Variants in ULK4 observed in about 807,000 individuals in gnomAD.
ULK4 encodes inactive serine/threonine-protein kinase ULK4.
In ULK4, 133 loss-of-function variants were observed where a neutral mutation model predicts 160.6. The ratio of observed to expected loss-of-function variants is 0.83; its 90% CI spans 0.72 to 0.96. ULK4 has a LOEUF of 0.96. ULK4 is among the 40% of genes least tolerant of loss of function. ULK4 has a pLI of 0.00. For missense variants in ULK4, 1,580 were observed against 1,499.5 expected, an observed-to-expected ratio of 1.05 and a Z score of -0.89; for synonymous variants, 534 against 539.8, an observed-to-expected ratio of 0.99 and a Z score of 0.15.
intron 18 of ULK4, among the ~76,000 whole-genome samples, chr3:41,829,479 G>C (rs182702766): frequency 6.6e-6 from 1 of 151,302 alleles, no homozygotes; most frequent in African/African-American, 2.4e-5. Flanking sequence ...CAACAAGTGG[G>C]TGAAGGATAT....
At position 41,598,672 on chromosome 3, in the gene ULK4, C is replaced by A. The variant is rs1007093772; in HGVS notation, c.3120+16997G>T. On this transcript the variant is annotated intron_variant, in intron 31 of 36. Transcript: ENST00000301831. ...AATACACATCCACCCCCTACATATACACCCCCACACACACACACGAGTTCA... is the reference window on the plus strand; with the variant it reads ...AATACACATCCACCCCCTACATATAAACCCCCACACACACACACGAGTTCA... 3.3e-5 allele frequency among the ~76,000 whole-genome samples: 5 copies of A among 149,346 alleles called. No homozygotes were observed. The South Asian group carries it at 8.3e-4, about 25-fold the overall frequency.
intron 22 of ULK4, among the ~76,000 whole-genome samples, chr3:41,722,520 A>T (rs1468333750): frequency 1.3e-5 from 2 of 152,042 alleles, no homozygotes; most frequent in South Asian, 2.1e-4. Flanking sequence ...AATCCCAGCT[A>T]CCCGGGAGGC....
chr3:41,568,395 T>A (rs1267555075), intron 31 of ULK4, among the ~76,000 whole-genome samples: 1 of 152,246 alleles, frequency 6.6e-6, no homozygotes, highest in African/African-American at 2.4e-5. Flanking sequence ...TCTCCTAATA[T>A]ACTTCTAGAC....
At chr3:41,813,171 G>A (rs2040866850) in intron 19 of ULK4, among the ~76,000 whole-genome samples, 1 of 152,100 alleles carries the variant, frequency 6.6e-6, no homozygotes, top group Admixed American at 6.6e-5. Context: ...TGGGGGAGGA[G>A]CATCAGAAAA....
chr3:41,478,191 C>T (rs912583836), intron 32 of ULK4, among the ~76,000 whole-genome samples: 1 of 152,174 alleles, frequency 6.6e-6, no homozygotes, highest in Admixed American at 6.5e-5. Context: ...ACATCAAACA[C>T]ATTTAGCTCA....
chr3:41,603,180 A>G (rs1408473507), intron 31 of ULK4, among the ~76,000 whole-genome samples: 7 of 152,136 alleles, frequency 4.6e-5, no homozygotes, highest in African/African-American at 7.2e-5. Flanking sequence ...GGCTATACTG[A>G]TATCAGAAAA....
At chr3:41,471,330 C>T (rs1184478963) in intron 32 of ULK4, among the ~76,000 whole-genome samples, 1 of 152,078 alleles carries the variant, frequency 6.6e-6, no homozygotes, top group African/African-American at 2.4e-5. Context: ...CACCCAACAT[C>T]AGAGCACCAA....
At chr3:41,531,323 C>T (rs1258115517) in intron 32 of ULK4, among the ~76,000 whole-genome samples, 5 of 149,938 alleles carry the variant, frequency 3.3e-5, no homozygotes, top group African/African-American at 1.2e-4. Flanking sequence ...CGCCAGTAGT[C>T]CCAGCTACCC....
intron 32 of ULK4, among the ~76,000 whole-genome samples, chr3:41,476,789 T>C (rs929500968): frequency 6.6e-6 from 1 of 152,126 alleles, no homozygotes; most frequent in Non-Finnish European, 1.5e-5. Flanking sequence ...TTCTAGCTGA[T>C]ACACATCTAC....
intron 17 of ULK4, among the ~76,000 whole-genome samples, chr3:41,877,499 G>A (rs2125697976): frequency 1.3e-5 from 2 of 151,864 alleles, no homozygotes; most frequent in South Asian, 4.2e-4. Context: ...GCTAATTTTT[G>A]TATTTTTAGT....
At chr3:41,902,860 C>T (rs1169582269) in intron 12 of ULK4, among the ~76,000 whole-genome samples, 1 of 152,138 alleles carries the variant, frequency 6.6e-6, no homozygotes, top group Non-Finnish European at 1.5e-5. Context: ...TTAAAACAAA[C>T]AAGCTTTCAG....
chr3:41,307,887 C>T (rs1003740825), intron 35 of ULK4, among the ~76,000 whole-genome samples: 3 of 152,110 alleles, frequency 2.0e-5, no homozygotes, highest in African/African-American at 7.2e-5. Context: ...ATAGGAAAAT[C>T]CTCAGTGGGA....
chr3:41,912,018 T>A lies in ULK4; in HGVS notation c.897-359A>T, dbSNP rs144575658. On this transcript the variant is annotated intron_variant, in intron 9 of 36. Coordinates refer to ENST00000301831, the MANE Select transcript of ULK4 (RefSeq NM_017886.4). ...TTTGTTTTTAACAATTTTTTTTAAT[T>A]TAAAAAAAAAAAAGATCCAGGCTGA... is the stretch of plus-strand genomic sequence containing the variant. Among the ~76,000 whole-genome samples, 1,381 of 150,998 alleles carry A rather than the reference T, an allele frequency of 9.1e-3. 26 individuals are homozygous for A. The highest frequency in any genetic ancestry group is 0.031 in the African/African-American group (1,291 of 41,186).
chr3:41,579,734 C>T (rs551312563), intron 31 of ULK4, among the ~76,000 whole-genome samples: 20 of 152,080 alleles, frequency 1.3e-4, no homozygotes, highest in East Asian at 1.2e-3. Context: ...CCTCGTGATC[C>T]GCCCGTCTCG....
chr3:41,482,573 A>G (rs1485580145), intron 32 of ULK4, among the ~76,000 whole-genome samples: 5 of 152,208 alleles, frequency 3.3e-5, no homozygotes, highest in African/African-American at 1.2e-4. Flanking sequence ...TTAAGTTTCT[A>G]ATATGAGCAG....
At chr3:41,824,378 C>T (rs924943816) in intron 18 of ULK4, among the ~76,000 whole-genome samples, 2 of 151,850 alleles carry the variant, frequency 1.3e-5, no homozygotes, top group South Asian at 2.1e-4. Flanking sequence ...ATTGCCTCAC[C>T]GGGGAAGCGC....
intron 34 of ULK4, among the ~76,000 whole-genome samples, chr3:41,435,485 G>T (rs1191466998): frequency 6.6e-6 from 1 of 152,176 alleles, no homozygotes; most frequent in African/African-American, 2.4e-5. Flanking sequence ...AAGGCTGACT[G>T]GTTTTACCAG....
At chr3:41,846,659 C>A (rs2042076169) in intron 17 of ULK4, among the ~76,000 whole-genome samples, 4 of 151,752 alleles carry the variant, frequency 2.6e-5, no homozygotes, top group Admixed American at 6.6e-5. Flanking sequence ...ACAGAAATTC[C>A]CCAGGCATGG....
chr3:41,849,443 C>T (rs745818928), intron 17 of ULK4, among the ~76,000 whole-genome samples: 3 of 151,908 alleles, frequency 2.0e-5, no homozygotes, highest in Non-Finnish European at 4.4e-5. Flanking sequence ...GAAAAGGCAA[C>T]GCCATGAAGA....
Sources: gnomAD v4.1 joint callset for allele counts (sites outside exome capture counted in the v4.1 genomes callset) on GRCh38, gnomAD v4.1.1 for gene constraint, MANE v1.5 for transcripts, NCBI Gene and HGNC (gene_info 2026-07-23, HGNC 2026-07-21) for gene names.